Variants in RFX1 observed in about 807,000 individuals in gnomAD.
RFX1 encodes MHC class II regulatory factor RFX1.
RFX1 carries 42 observed loss-of-function variants against 119.6 expected under a neutral mutation model. The observed-to-expected ratio is 0.35, with a 90% confidence interval of 0.27 to 0.45. The LOEUF (loss-of-function observed/expected upper bound fraction) is 0.45, where lower values mean the gene tolerates loss of function less well. RFX1 is among the 20% of genes least tolerant of loss of function. The pLI, the probability that RFX1 is intolerant of heterozygous loss-of-function variation, is 1.00. For missense variants in RFX1, 1,118 were observed against 1,368.1 expected (o/e 0.82, Z 2.88); for synonymous variants, 628 against 618.5 (o/e 1.02, Z -0.23).
At chr19:13,991,724 C>A (rs956715485) in intron 2 of RFX1, among the ~76,000 whole-genome samples, 2 of 151,560 alleles carry the variant, frequency 1.3e-5, no homozygotes, top group Non-Finnish European at 2.9e-5. Context: ...CGCAGTGGCA[C>A]GATCTCAGCT....
At chr19:13,982,076 C>T (rs766860725) in intron 5 of RFX1, 45 bp downstream of exon 5, 6 of 1,051,444 alleles carry the variant, frequency 5.7e-6, no homozygotes, top group Admixed American at 3.3e-5. Flanking sequence ...TTGCTGACCT[C>T]GGGAGACAGC....
intron 7 of RFX1, 55 bp downstream of exon 7, chr19:13,979,386 TCCCCAG>T: frequency 1.6e-6 from 2 of 1,221,658 alleles, no homozygotes; most frequent in Non-Finnish European, 1.1e-6. Context: ...GGGCCTGCAC[TCCCCAG>T]CCCCAGCCCG....
rs1041658990 is a variant in RFX1, at chr19:13,985,238, C to T, written c.320-1643G>A. Among the ~76,000 whole-genome samples the T allele has an allele frequency of 2.7e-5, 4 of 150,480 alleles. No homozygotes were observed. Among genetic ancestry groups the T allele is most frequent in the Non-Finnish European group, 4.4e-5 (3 of 67,768 alleles). ...AGTTGCCCAGGCTGGAGTGCAGTGG[C>T]GCAATCTCTGCTCACTGAAATCTCC... On this transcript the variant is annotated intron_variant, in intron 2 of 20. Coordinates refer to ENST00000254325, the MANE Select transcript of RFX1 (RefSeq NM_002918.5). The surrounding 1 kb of genome is among the most constrained non-coding windows in gnomAD (Gnocchi z 4.3).
Position 13,962,051 on chromosome 19 carries a change from G to A in RFX1, c.*644C>T, listed in dbSNP as rs1973695079. On this transcript the variant is annotated 3_prime_UTR_variant, in exon 21 of 21. Transcript: ENST00000254325. ...GCTCGCTGCTCTTTGGAAGCTGGAGGCCGTGCCCCCTGCCGCCCTCCTCAC... is the reference window on the plus strand; with the variant it reads ...GCTCGCTGCTCTTTGGAAGCTGGAGACCGTGCCCCCTGCCGCCCTCCTCAC... 1 of 152,312 alleles carries A rather than the reference G, an allele frequency of 6.6e-6. No homozygotes were observed. The highest frequency in any genetic ancestry group is 6.5e-5 in the Admixed American group (1 of 15,294). The allele number at this position is 152,312 out of a possible 1,614,324, so 9.4% of individuals were successfully genotyped here.
At chr19:13,962,971 G>A in intron 20 of RFX1, 23 bp downstream of exon 20, 1 of 1,549,636 alleles carries the variant, frequency 6.5e-7, no homozygotes, top group Admixed American at 2.0e-5. Flanking sequence ...CCCGCGCCCT[G>A]GGTGGGAACA....
rs1253954524 is a variant in RFX1 at position 13,965,581 on chromosome 19, CG to C, written c.2114-36del. ...GTGGCGGGGGTCGGTCAGGGCAGGG[CG>C]GGTGTATGTGGGGCAGGGGATGCCG... On this transcript the variant is annotated intron_variant, in intron 15 of 20. Coordinates refer to ENST00000254325, the MANE Select transcript of RFX1 (RefSeq NM_002918.5). The surrounding 1 kb of genome is among the most constrained non-coding windows in gnomAD (Gnocchi z 4.7). 3 of 1,588,876 alleles carry C rather than the reference CG, an allele frequency of 1.9e-6. No homozygotes were observed. The East Asian group carries it at 6.8e-5, about 36-fold the overall frequency.
intron 2 of RFX1, 79 bp from the exon 3 acceptor site, chr19:13,983,674 G>A (rs1267286967): frequency 1.6e-6 from 2 of 1,247,454 alleles, no homozygotes; most frequent in Admixed American, 2.1e-5. Context: ...TGGAGGGGAA[G>A]ATGCAGCCTG....
In RFX1 at chr19:13,990,731, G is replaced by A. The variant is rs987223112; in HGVS notation, c.319+2794C>T. 2.6e-5 allele frequency among the ~76,000 whole-genome samples: 4 copies of A among 151,884 alleles called. No homozygotes were observed. The highest frequency in any genetic ancestry group is 9.7e-5 in the African/African-American group (4 of 41,354). On this transcript the variant is annotated intron_variant, in intron 2 of 20. Transcript: ENST00000254325. This position sits in a 1 kb window ranked among gnomAD's most constrained non-coding sequence, Gnocchi z 4.1. ...ACTTGGGAGGCTGAGGCAGGAGAATGGTGTGAACCCCGGAGGCAGAGCTTG... is the reference window on the plus strand; with the variant it reads ...ACTTGGGAGGCTGAGGCAGGAGAATAGTGTGAACCCCGGAGGCAGAGCTTG...
rs902593297 is a variant in RFX1 at position 13,990,560 on chromosome 19, G to C, written c.319+2965C>G. 1.3e-5 allele frequency among the ~76,000 whole-genome samples: 2 copies of C among 152,138 alleles called. No individual in the cohort carries two copies. Among genetic ancestry groups the C allele is most frequent in the Non-Finnish European group, 2.9e-5 (2 of 68,020 alleles). ...AGGCCGGGCGCGGTGGCTCACGCCT[G>C]TAATCCCAGCACTTTTGGAGGCCGA... is the stretch of plus-strand genomic sequence containing the variant. On this transcript the variant is annotated intron_variant, in intron 2 of 20. Transcript: ENST00000254325. This position sits in a 1 kb window ranked among gnomAD's most constrained non-coding sequence, Gnocchi z 4.1.
chr19:13,979,176 A>C (rs1599492430), intron 7 of RFX1, among the ~76,000 whole-genome samples: 1 of 152,082 alleles, frequency 6.6e-6, no homozygotes, highest in African/African-American at 2.4e-5. Context: ...GCACGCAGCC[A>C]CCCGAGGGAA....
In RFX1 at chr19:13,962,678, G is replaced by A. The variant is rs1424126260; in HGVS notation, c.*17C>T. On this transcript the variant is annotated 3_prime_UTR_variant, in exon 21 of 21. Coordinates refer to ENST00000254325, the MANE Select transcript of RFX1 (RefSeq NM_002918.5). ...TGGAGGGGTGGCGGGGGCGGGTGGG[G>A]CGGGGAGGCCAAGGGCTTAGCTGGA... 4.6e-6 allele frequency: 7 copies of A among 1,508,638 alleles called. No individual in the cohort carries two copies. Among genetic ancestry groups the A allele is most frequent in the Non-Finnish European group, 6.2e-6 (7 of 1,134,106 alleles). The allele number at this position is 1,508,638 out of a possible 1,614,324, so 93.5% of individuals were successfully genotyped here.
Position 13,968,525 on chromosome 19 carries a change from G to T in RFX1, c.1732+40C>A. On this transcript the variant is annotated intron_variant, in intron 12 of 20. Coordinates refer to ENST00000254325, the MANE Select transcript of RFX1 (RefSeq NM_002918.5). This position sits in a 1 kb window ranked among gnomAD's most constrained non-coding sequence, Gnocchi z 5.5. ...TTGGGAACCGTCTGCACGGGGCAGG[G>T]AGGCGGTGGTTGGGGAAGCACGGGC... is the stretch of plus-strand genomic sequence containing the variant. 2 of 1,504,484 alleles carry T rather than the reference G, an allele frequency of 1.3e-6. No individual in the cohort carries two copies. Among genetic ancestry groups the T allele is most frequent in the Non-Finnish European group, 1.8e-6 (2 of 1,081,088 alleles). The allele number at this position is 1,504,484 out of a possible 1,614,324, so 93.2% of individuals were successfully genotyped here.
In RFX1 at chr19:13,970,097, G is replaced by T. The variant is rs1974029372; in HGVS notation, c.1393C>A (p.Leu465Met). ...TCCAGCTTCTGCTCCTGGCAGTGCA[G>T]TAAGTAGTGGCAGTAGAGGGTGCTC... The part of the protein sequence containing the change: ...PRSTLYCHYL[L>M]HCQEQKLEPV... The change falls in exon 10 of 21, where the codon CTG becomes ATG. Residue 465 changes from leucine to methionine, a missense_variant. This residue lies in a region of RFX1 where 338 missense variants were observed against 508.9 expected (regional missense o/e 0.66). Transcript: ENST00000254325. The T allele has an allele frequency of 3.7e-6, 6 of 1,614,112 alleles. No individual in the cohort carries two copies. The East Asian group carries it at 1.3e-4, about 36-fold the overall frequency.
rs1239853307 is a variant in RFX1, at chr19:13,964,725, G to A, written c.2212-718C>T. ...TTGAACTCCTGACCTCAAGTGATCC[G>A]CCCGCCTCGCCTCCCAAAGTGCTGG... On this transcript the variant is annotated intron_variant, in intron 16 of 20. Transcript: ENST00000254325. Among the ~76,000 whole-genome samples the A allele has an allele frequency of 4.6e-5, 7 of 152,118 alleles. No homozygotes were observed. In the East Asian group the frequency reaches 1.2e-3, roughly 25 times the overall value.
In RFX1 at chr19:13,990,678, A is replaced by G. The variant is rs1247956436; in HGVS notation, c.319+2847T>C. Among the ~76,000 whole-genome samples, 2 of 152,050 alleles carry G rather than the reference A, an allele frequency of 1.3e-5. No individual in the cohort carries two copies. The highest frequency in any genetic ancestry group is 1.5e-5 in the Non-Finnish European group (1 of 67,980). On this transcript the variant is annotated intron_variant, in intron 2 of 20. Transcript: ENST00000254325. This position sits in a 1 kb window ranked among gnomAD's most constrained non-coding sequence, Gnocchi z 4.1. ...TAAAAATACAAAAAATTAGCCAGGC[A>G]TGGTGGCGGGCACCTATAGTCCCAG... is the stretch of plus-strand genomic sequence containing the variant.
At chr19:13,972,057 T>C (rs1422274338) in intron 9 of RFX1, among the ~76,000 whole-genome samples, 1 of 151,406 alleles carries the variant, frequency 6.6e-6, no homozygotes, top group Non-Finnish European at 1.5e-5. Context: ...TAGTCCCAGC[T>C]ACTTGCAAGG....
rs1439359221 is a variant in RFX1, at chr19:13,978,392, C to G, written c.835-306G>C. Among the ~76,000 whole-genome samples, 5 of 152,102 alleles carry G rather than the reference C, an allele frequency of 3.3e-5. No individual in the cohort carries two copies. The South Asian group carries it at 1.0e-3, about 32-fold the overall frequency. On this transcript the variant is annotated intron_variant, in intron 7 of 20. Transcript: ENST00000254325. ...GAAGGTTGGACCCCAGGCACAGGGGCAAGGCTATCGCTGGAGCCATGGAGC... is the reference window on the plus strand; with the variant it reads ...GAAGGTTGGACCCCAGGCACAGGGGGAAGGCTATCGCTGGAGCCATGGAGC...
intron 2 of RFX1, among the ~76,000 whole-genome samples, chr19:13,987,126 C>T (rs571764869): frequency 1.4e-4 from 21 of 152,314 alleles, no homozygotes; most frequent in African/African-American, 3.8e-4. Context: ...GAAGAAGGGC[C>T]GGACTCGGCC....
intron 5 of RFX1, among the ~76,000 whole-genome samples, chr19:13,981,711 A>G (rs1363929937): frequency 3.9e-5 from 6 of 152,194 alleles, no homozygotes; most frequent in African/African-American, 1.2e-4. Flanking sequence ...GCCTGTCTTC[A>G]ACACCCTCAT....
Sources: gnomAD v4.1 joint callset for allele counts (sites outside exome capture counted in the v4.1 genomes callset) on GRCh38, gnomAD v4.1.1 for gene constraint, gnomAD v4.1.1 regional missense constraint, Gnocchi (gnomAD v3.1) non-coding constraint, MANE v1.5 for transcripts, NCBI Gene and HGNC (gene_info 2026-07-23, HGNC 2026-07-21) for gene names.